Variants in IQCM observed in about 807,000 individuals in gnomAD.
The protein encoded by IQCM is IQ motif containing M, also known as IQ domain-containing protein M.
Under a neutral mutation model 57.6 loss-of-function variants are expected in IQCM, and 45 were observed. The ratio of observed to expected loss-of-function variants is 0.78; its 90% CI spans 0.62 to 1.00. The LOEUF (loss-of-function observed/expected upper bound fraction) is 1.00, where lower values mean the gene tolerates loss of function less well. Ranked by LOEUF, IQCM falls within the 50% of genes least tolerant of loss-of-function variation. IQCM has a pLI of 0.00. For missense variants in IQCM, 468 were observed against 511.6 expected (o/e 0.91, Z 0.82); for synonymous variants, 148 against 158.9 (o/e 0.93, Z 0.51).
intron 12 of IQCM, among the ~76,000 whole-genome samples, chr4:149,471,964 C>T (rs1739607470): frequency 6.6e-6 from 1 of 152,102 alleles, no homozygotes; most frequent in Non-Finnish European, 1.5e-5. Context: ...ATTCATGGGA[C>T]ATATCTCAAA....
chr4:149,474,831 T>C (rs1740005950), intron 12 of IQCM, among the ~76,000 whole-genome samples: 1 of 152,094 alleles, frequency 6.6e-6, no homozygotes, highest in Non-Finnish European at 1.5e-5. Context: ...GATGAAAATC[T>C]GAGTAGAGAG....
At chr4:149,651,372 G>C (rs1759161945) in intron 7 of IQCM, among the ~76,000 whole-genome samples, 1 of 152,162 alleles carries the variant, frequency 6.6e-6, no homozygotes. Context: ...GCAGGGGTAA[G>C]AAGAGCTACT....
intron 7 of IQCM, among the ~76,000 whole-genome samples, chr4:149,624,768 T>C (rs1190385141): frequency 6.6e-6 from 1 of 152,214 alleles, no homozygotes; most frequent in Non-Finnish European, 1.5e-5. Flanking sequence ...AAATATACTG[T>C]TTTGGTCAAC....
intron 3 of IQCM, among the ~76,000 whole-genome samples, chr4:149,741,894 T>A (rs1304252019): frequency 6.6e-6 from 1 of 152,192 alleles, no homozygotes; most frequent in African/African-American, 2.4e-5. Context: ...TTTTACAATG[T>A]GTATACATGT....
At chr4:149,422,278 T>C (rs182121228) in intron 13 of IQCM, among the ~76,000 whole-genome samples, 2 of 152,038 alleles carry the variant, frequency 1.3e-5, no homozygotes, top group African/African-American at 2.4e-5. Context: ...AAAGCAAGAT[T>C]TGAGGGGCCA....
At chr4:149,814,800 C>T (rs933152771) in intron 2 of IQCM, among the ~76,000 whole-genome samples, 18 of 151,994 alleles carry the variant, frequency 1.2e-4, no homozygotes, top group African/African-American at 4.3e-4. Context: ...ATGTATAATA[C>T]TGATGGTTCT....
At chr4:149,707,753 T>A (rs1208212001) in intron 5 of IQCM, among the ~76,000 whole-genome samples, 1 of 152,062 alleles carries the variant, frequency 6.6e-6, no homozygotes, top group Non-Finnish European at 1.5e-5. Context: ...GAGTCCTGAC[T>A]GTGTCTTCTG....
intron 5 of IQCM, among the ~76,000 whole-genome samples, chr4:149,701,939 T>G (rs1763803319): frequency 6.6e-6 from 1 of 151,892 alleles, no homozygotes; most frequent in Admixed American, 6.6e-5. Context: ...AGAAGGAAAT[T>G]TAAAACACCA....
intron 9 of IQCM, among the ~76,000 whole-genome samples, chr4:149,564,899 A>T (rs994076673): frequency 6.6e-5 from 10 of 152,086 alleles, no homozygotes; most frequent in African/African-American, 2.4e-4. Flanking sequence ...ATTTGAGAAA[A>T]CTGAAGATTT....
intron 9 of IQCM, among the ~76,000 whole-genome samples, chr4:149,584,051 T>G (rs1054297463): frequency 1.8e-4 from 28 of 151,646 alleles, no homozygotes; most frequent in South Asian, 4.1e-4. Flanking sequence ...AAACTAAAAA[T>G]TAAGAACAAC....
At chr4:149,679,847 C>T (rs184519671) in intron 7 of IQCM, among the ~76,000 whole-genome samples, 9 of 151,336 alleles carry the variant, frequency 5.9e-5, no homozygotes, top group Non-Finnish European at 1.2e-4. Context: ...GGAGAATAAG[C>T]TTTTTTGTGC....
At chr4:149,464,358 T>C (rs989869705) in intron 12 of IQCM, among the ~76,000 whole-genome samples, 1 of 152,174 alleles carries the variant, frequency 6.6e-6, no homozygotes, top group African/African-American at 2.4e-5. Flanking sequence ...TTCAGATCCT[T>C]CCTATCCCGC....
chr4:149,588,225 T>C (rs1258375717), intron 8 of IQCM, among the ~76,000 whole-genome samples: 6 of 151,850 alleles, frequency 4.0e-5, no homozygotes, highest in Admixed American at 4.0e-4. Context: ...CTAGTTATTT[T>C]AATGAGCAAA....
At chr4:149,435,030 G>T (rs1319673290) in intron 12 of IQCM, among the ~76,000 whole-genome samples, 1 of 152,104 alleles carries the variant, frequency 6.6e-6, no homozygotes, top group East Asian at 1.9e-4. Context: ...GACTCCCCAT[G>T]GGTGGACTTT....
At position 149,742,714 on chromosome 4, in the gene IQCM, C is replaced by G. The variant is rs1278480239; in HGVS notation, c.-23G>C. ...CATGAGGGGCAGTTAGAATGATCTT[C>G]TTTTTTAAAGTGTGAGCTCCAAGTC... On this transcript the variant is annotated 5_prime_UTR_variant, in exon 3 of 14. Transcript: ENST00000636793. 5.7e-6 allele frequency: 7 copies of G among 1,230,380 alleles called. No individual in the cohort carries two copies. The African/African-American group carries it at 9.3e-5, about 16-fold the overall frequency. 76.2% of individuals were successfully genotyped at this position (1,230,380 alleles called of 1,614,324 possible).
chr4:149,505,701 A>C (rs1300365226), intron 12 of IQCM, among the ~76,000 whole-genome samples: 2 of 152,132 alleles, frequency 1.3e-5, no homozygotes, highest in Admixed American at 6.5e-5. Context: ...GATCATTCTA[A>C]AATGCTGTTG....
At chr4:149,465,387 A>T (rs1037604131) in intron 12 of IQCM, among the ~76,000 whole-genome samples, 5 of 152,208 alleles carry the variant, frequency 3.3e-5, no homozygotes, top group African/African-American at 1.2e-4. Flanking sequence ...GGATGATATT[A>T]GGAGCCAAGG....
At chr4:149,542,547 C>A (rs1747955952) in intron 12 of IQCM, among the ~76,000 whole-genome samples, 1 of 152,018 alleles carries the variant, frequency 6.6e-6, no homozygotes, top group Non-Finnish European at 1.5e-5. Context: ...CCTCAGTTCT[C>A]CCATCCATAA....
chr4:149,541,500 C>T (rs1460199004), intron 12 of IQCM, among the ~76,000 whole-genome samples: 4 of 151,968 alleles, frequency 2.6e-5, no homozygotes, highest in Non-Finnish European at 5.9e-5. Flanking sequence ...TTTCTAAAGA[C>T]TAGACAGAAG....
Sources: gnomAD v4.1 joint callset for allele counts (sites outside exome capture counted in the v4.1 genomes callset) on GRCh38, gnomAD v4.1.1 for gene constraint, MANE v1.5 for transcripts, NCBI Gene and HGNC (gene_info 2026-07-23, HGNC 2026-07-21) for gene names.